Variants in RAB20 observed in about 807,000 individuals in gnomAD.
RAB20 encodes the protein RAB20, member RAS oncogene family.
In RAB20, 2 loss-of-function variants were observed where a neutral mutation model predicts 3.7. The ratio of observed to expected loss-of-function variants is 0.54; its 90% CI spans 0.22 to 1.69. The LOEUF (loss-of-function observed/expected upper bound fraction) is 1.69, where lower values mean the gene tolerates loss of function less well. Among genes scored for constraint, RAB20 ranks in the 40% most tolerant of loss-of-function variants. The pLI, the probability that RAB20 is intolerant of heterozygous loss-of-function variation, is 0.19. For missense variants in RAB20, 276 were observed against 311.9 expected (o/e 0.88, Z 0.87); for synonymous variants, 126 against 130.8 (o/e 0.96, Z 0.25).
chr13:110,527,678 C>T (rs992906893), intron 1 of RAB20, among the ~76,000 whole-genome samples: 7 of 152,132 alleles, frequency 4.6e-5, no homozygotes, highest in Admixed American at 1.3e-4. Context: ...GAAGTCAATC[C>T]GTTTCCAGTC....
chr13:110,540,523 A>T (rs1191332775), intron 1 of RAB20, among the ~76,000 whole-genome samples: 5 of 152,152 alleles, frequency 3.3e-5, no homozygotes, highest in Non-Finnish European at 7.4e-5. Flanking sequence ...CAGGTGGATC[A>T]CCTGAGGTCA....
In RAB20 at chr13:110,523,916, C is replaced by T. The variant is rs532390743; in HGVS notation, c.454G>A (p.Glu152Lys). The T allele has an allele frequency of 1.2e-6, 2 of 1,614,130 alleles. No individual in the cohort carries two copies. Among genetic ancestry groups the T allele is most frequent in the East Asian group, 2.2e-5 (1 of 44,894 alleles). The change falls in exon 2 of 2, where the codon GAG becomes AAG. Residue 152 changes from glutamate to lysine, a missense_variant. Coordinates refer to ENST00000267328, the MANE Select transcript of RAB20 (RefSeq NM_017817.3). Reference sequence around the variant, plus strand: ...TTTTTATAAAGGGCCACCGCATCCTCCAGCTGCACCTGCTTAGGTGCCCTT... The same window carrying T: ...TTTTTATAAAGGGCCACCGCATCCTTCAGCTGCACCTGCTTAGGTGCCCTT... ...SPRAPKQVQL[E>K]DAVALYKKIL...
At chr13:110,530,280 G>A (rs1274439261) in intron 1 of RAB20, among the ~76,000 whole-genome samples, 1 of 376 alleles carries the variant, frequency 2.7e-3, no homozygotes, top group Non-Finnish European at 4.2e-3. Context: ...CCACCTCTAC[G>A]CAGACACAGG....
intron 1 of RAB20, among the ~76,000 whole-genome samples, chr13:110,549,623 T>C (rs1160634109): frequency 6.6e-6 from 1 of 152,250 alleles, no homozygotes; most frequent in Admixed American, 6.5e-5. Context: ...CCCCATACCC[T>C]AGAGGAAGGA....
intron 1 of RAB20, among the ~76,000 whole-genome samples, chr13:110,539,899 C>T (rs754077852): frequency 1.4e-4 from 21 of 152,210 alleles, no homozygotes; most frequent in Non-Finnish European, 2.6e-4. Flanking sequence ...TGTGTCATTT[C>T]TGTTGTTTCT....
chr13:110,533,622 G>A (rs1884586348), intron 1 of RAB20, among the ~76,000 whole-genome samples: 1 of 152,162 alleles, frequency 6.6e-6, no homozygotes, highest in Admixed American at 6.6e-5. Flanking sequence ...CAGGAGGTTG[G>A]GCTGCAGTGA....
At chr13:110,537,112 C>G (rs1884660220) in intron 1 of RAB20, among the ~76,000 whole-genome samples, 2 of 151,906 alleles carry the variant, frequency 1.3e-5, no homozygotes, top group Non-Finnish European at 2.9e-5. Context: ...TCCCAAGTAG[C>G]TGGGACTACA....
intron 1 of RAB20, among the ~76,000 whole-genome samples, chr13:110,526,990 C>T (rs34262327): frequency 0.14 from 21,562 of 152,058 alleles, 1,889 homozygotes; most frequent in East Asian, 0.32. Flanking sequence ...GGTCTTGACA[C>T]AAATGAAGTT....
At chr13:110,524,256 A>G (rs1884390342) in intron 1 of RAB20, 59 bp from the exon 2 acceptor site, 1 of 1,515,494 alleles carries the variant, frequency 6.6e-7, no homozygotes, top group Non-Finnish European at 8.8e-7. Context: ...CATAGCCACC[A>G]GCCACACTGC....
chr13:110,533,871 G>C (rs1250176316), intron 1 of RAB20, among the ~76,000 whole-genome samples: 2 of 152,252 alleles, frequency 1.3e-5, no homozygotes, highest in Non-Finnish European at 2.9e-5. Flanking sequence ...ACAGGGCCTG[G>C]CTGGACACAC....
chr13:110,539,869 C>T (rs1032135282), intron 1 of RAB20, among the ~76,000 whole-genome samples: 2 of 152,126 alleles, frequency 1.3e-5, no homozygotes, highest in East Asian at 3.9e-4. Context: ...CACATCAATG[C>T]ATTTTTACCC....
At chr13:110,528,610 CAG>C (rs1476710886) in intron 1 of RAB20, among the ~76,000 whole-genome samples, 2 of 152,114 alleles carry the variant, frequency 1.3e-5, no homozygotes, top group African/African-American at 4.8e-5. Context: ...AATGCGGAGT[CAG>C]GGGCACTCCA....
chr13:110,533,697 A>G (rs1884588511), intron 1 of RAB20, among the ~76,000 whole-genome samples: 1 of 145,226 alleles, frequency 6.9e-6, no homozygotes, highest in South Asian at 2.2e-4. Context: ...AAAAAGAGAG[A>G]ATGGGATGTG....
intron 1 of RAB20, among the ~76,000 whole-genome samples, chr13:110,549,717 T>A (rs9588189): frequency 1.1e-4 from 9 of 82,730 alleles, no homozygotes; most frequent in Non-Finnish European, 1.4e-4. Context: ...CACACTTTTT[T>A]AAATTTTTTT....
intron 1 of RAB20, among the ~76,000 whole-genome samples, chr13:110,528,430 A>AAC (rs1326323549): frequency 1.6e-4 from 24 of 151,456 alleles, no homozygotes; most frequent in African/African-American, 5.1e-4. Flanking sequence ...AAAAAAAACA[A>AAC]AAAACAGAAA....
chr13:110,547,862 C>A (rs542128480), intron 1 of RAB20, among the ~76,000 whole-genome samples: 2 of 152,310 alleles, frequency 1.3e-5, no homozygotes, highest in South Asian at 4.1e-4. Context: ...CAAGCTAATG[C>A]TAATCAGCCT....
intron 1 of RAB20, among the ~76,000 whole-genome samples, chr13:110,549,348 T>C (rs996386232): frequency 5.3e-5 from 8 of 152,260 alleles, no homozygotes; most frequent in African/African-American, 1.7e-4. Context: ...TCATTTTGCC[T>C]GTGCCCTTTG....
intron 1 of RAB20, among the ~76,000 whole-genome samples, chr13:110,546,436 A>AT (rs1423784413): frequency 2.6e-5 from 4 of 152,232 alleles, no homozygotes; most frequent in Admixed American, 1.3e-4. Context: ...TTTGGGCAAC[A>AT]TAAGTCATTT....
rs756100059 is a variant in RAB20 at position 110,561,525 on chromosome 13, C to G, written c.-6G>C. The G allele has an allele frequency of 5.1e-6, 8 of 1,560,152 alleles. No homozygotes were observed. In the African/African-American group the frequency reaches 1.1e-4, roughly 22 times the overall value. On this transcript the variant is annotated 5_prime_UTR_variant, in exon 1 of 2. Transcript: ENST00000267328. ...TTGCTGTCGGGCTTCCTCATCTTCC[C>G]GTAAGAACCCCCAGCGCCCCCGCGC...
Sources: gnomAD v4.1 joint callset for allele counts (sites outside exome capture counted in the v4.1 genomes callset) on GRCh38, gnomAD v4.1.1 for gene constraint, MANE v1.5 for transcripts, NCBI Gene and HGNC (gene_info 2026-07-23, HGNC 2026-07-21) for gene names.